Variants in CTBP1 observed in about 807,000 individuals in gnomAD.
CTBP1 encodes C-terminal binding protein 1.
Under a neutral mutation model 42.1 loss-of-function variants are expected in CTBP1, and 11 were observed. The ratio of observed to expected loss-of-function variants is 0.26; its 90% CI spans 0.16 to 0.43. CTBP1 has a LOEUF of 0.43. Among genes scored for constraint, CTBP1 ranks in the 20% least tolerant of loss-of-function variants. The pLI, the probability that CTBP1 is intolerant of heterozygous loss-of-function variation, is 1.00. For missense variants in CTBP1, 399 were observed against 624.3 expected (o/e 0.64, Z 3.85); for synonymous variants, 324 against 277.1 (o/e 1.17, Z -1.68).
At chr4:1,216,708 A>C in intron 5 of CTBP1, 1 of 180,758 alleles carries the variant, frequency 5.5e-6, no homozygotes, top group East Asian at 1.5e-4. Context: ...TCAGGTCCTG[A>C]CCCCTTCGAG....
chr4:1,238,061 C>T lies in CTBP1; in HGVS notation c.162+122G>A. The T allele has an allele frequency of 1.5e-6, 2 of 1,319,122 alleles. No homozygotes were observed. Among genetic ancestry groups the T allele is most frequent in the African/African-American group, 2.9e-5 (2 of 69,498 alleles). 81.7% of individuals were successfully genotyped at this position (1,319,122 alleles called of 1,614,324 possible). On this transcript the variant is annotated intron_variant, in intron 3 of 9. Coordinates refer to ENST00000382952, the MANE Select transcript of CTBP1 (RefSeq NM_001012614.2). This position sits in a 1 kb window ranked among gnomAD's most constrained non-coding sequence, Gnocchi z 5.9. ...TCCTGACGGCGCGGGACGACTGGGA[C>T]AGAGGCTGCTCCTGCCCCAGTGGCA...
intron 8 of CTBP1, among the ~76,000 whole-genome samples, 185 bp downstream of exon 8, chr4:1,213,293 A>G (rs1234999501): frequency 6.6e-6 from 1 of 151,984 alleles, no homozygotes; most frequent in African/African-American, 2.4e-5. Context: ...TCCTGTGTGT[A>G]AGACACGACG....
intron 5 of CTBP1, 29 bp downstream of exon 5, chr4:1,225,331 A>G (rs1272612420): frequency 6.5e-7 from 1 of 1,527,644 alleles, no homozygotes; most frequent in Non-Finnish European, 8.8e-7. Context: ...ACAGGGAGGG[A>G]CACAGGCGTG....
chr4:1,213,804 C>G, intron 7 of CTBP1, 199 bp from the exon 8 acceptor site: 2 of 626,528 alleles, frequency 3.2e-6, no homozygotes, highest in Non-Finnish European at 5.2e-6. Context: ...CTCCTGACAG[C>G]GGCGGGTGTG....
chr4:1,238,496 C>T lies in CTBP1; in HGVS notation c.8-159G>A, dbSNP rs371878171. ...TTGTAAAAAGTAAATTAAAAATCCACGTGAAAGACAACTCGTGTGTGCCTC... is the reference window on the plus strand; with the variant it reads ...TTGTAAAAAGTAAATTAAAAATCCATGTGAAAGACAACTCGTGTGTGCCTC... On this transcript the variant is annotated intron_variant, in intron 2 of 9. Transcript: ENST00000382952. This position sits in a 1 kb window ranked among gnomAD's most constrained non-coding sequence, Gnocchi z 5.9. Among the ~76,000 whole-genome samples the T allele has an allele frequency of 1.2e-4, 19 of 152,282 alleles. No homozygotes were observed. In the East Asian group the frequency reaches 2.1e-3, roughly 17 times the overall value.
At chr4:1,248,848 C>A (rs1434829362) in intron 1 of CTBP1, 68 bp downstream of exon 1, 1 of 917,008 alleles carries the variant, frequency 1.1e-6, no homozygotes, top group South Asian at 5.0e-5. Context: ...CCGCGCCCCC[C>A]GCCCGCGCGG....
intron 1 of CTBP1, chr4:1,244,909 G>A (rs1031849271): frequency 2.3e-5 from 23 of 985,266 alleles, no homozygotes; most frequent in East Asian, 1.1e-4. Flanking sequence ...AGCCTGACCC[G>A]GAGCCTTCCA....
At chr4:1,244,330 C>A (rs892075682) in intron 1 of CTBP1, 2 of 980,046 alleles carry the variant, frequency 2.0e-6, no homozygotes, top group Non-Finnish European at 2.4e-6. Context: ...CCGATCCAGA[C>A]AGCCACAGTG....
intron 5 of CTBP1, among the ~76,000 whole-genome samples, chr4:1,224,343 G>C (rs1730085380): frequency 6.6e-6 from 1 of 152,190 alleles, no homozygotes; most frequent in African/African-American, 2.4e-5. Flanking sequence ...TGATGTCTGT[G>C]TGGGGTCCAC....
chr4:1,241,997 A>G, intron 1 of CTBP1: 1 of 1,002,558 alleles, frequency 1.0e-6, no homozygotes, highest in African/African-American at 1.7e-5. Context: ...AGCCACCGGG[A>G]GAGGTGCTGC....
intron 5 of CTBP1, chr4:1,223,468 C>T (rs762443755): frequency 2.2e-6 from 1 of 456,180 alleles, no homozygotes; most frequent in South Asian, 1.5e-5. Flanking sequence ...TCCGATTCCC[C>T]AAACGCTGGC....
chr4:1,240,952 A>G (rs1025860918), intron 2 of CTBP1, among the ~76,000 whole-genome samples: 2 of 152,218 alleles, frequency 1.3e-5, no homozygotes, highest in Admixed American at 1.3e-4. Flanking sequence ...CACAGGGGCC[A>G]CGGCCCTGCT....
chr4:1,221,763 C>T, intron 5 of CTBP1: 1 of 414,494 alleles, frequency 2.4e-6, no homozygotes, highest in Admixed American at 2.8e-5. Context: ...AGGGAGCTGT[C>T]TGTGTGCAGG....
chr4:1,244,293 G>A (rs1194200584), intron 1 of CTBP1: 18 of 985,136 alleles, frequency 1.8e-5, no homozygotes, highest in Non-Finnish European at 2.2e-5. Context: ...CCGGCACACT[G>A]GGGGTCACCA....
chr4:1,230,523 G>A (rs1000589665), intron 3 of CTBP1, among the ~76,000 whole-genome samples: 12 of 152,194 alleles, frequency 7.9e-5, no homozygotes, highest in African/African-American at 2.4e-4. Context: ...GGTGCCAGAC[G>A]TGAGCCCGGG....
intron 9 of CTBP1, 121 bp from the exon 10 acceptor site, chr4:1,212,544 G>C (rs1728651013): frequency 1.1e-6 from 1 of 911,332 alleles, no homozygotes; most frequent in Non-Finnish European, 1.6e-6. Context: ...GTCAGGGTAA[G>C]GATCCCGGCC....
At chr4:1,230,755 T>C (rs1443731275) in intron 3 of CTBP1, among the ~76,000 whole-genome samples, 1 of 152,242 alleles carries the variant, frequency 6.6e-6, no homozygotes, top group Non-Finnish European at 1.5e-5. Flanking sequence ...CAGATTCACG[T>C]GAATATGACG....
intron 3 of CTBP1, chr4:1,231,005 C>T (rs926234584): frequency 1.7e-4 from 26 of 152,290 alleles, no homozygotes; most frequent in African/African-American, 5.8e-4. Context: ...GCCCTTTTCC[C>T]TACTGAATAC....
chr4:1,225,265 C>T, intron 5 of CTBP1, 95 bp downstream of exon 5: 1 of 1,406,580 alleles, frequency 7.1e-7, no homozygotes, highest in Non-Finnish European at 9.5e-7. Context: ...TGCAGCAGCC[C>T]CACCCCGCCC....
Sources: gnomAD v4.1 joint callset for allele counts (sites outside exome capture counted in the v4.1 genomes callset) on GRCh38, gnomAD v4.1.1 for gene constraint, Gnocchi (gnomAD v3.1) non-coding constraint, MANE v1.5 for transcripts, NCBI Gene and HGNC (gene_info 2026-07-23, HGNC 2026-07-21) for gene names.